The following AMPH variants were observed in gnomAD, a reference collection of about 807,000 sequenced individuals.
The protein encoded by AMPH is amphiphysin (Stiff-Mann syndrome with breast cancer 128kD autoantigen).
Under a neutral mutation model 99.1 loss-of-function variants are expected in AMPH, and 49 were observed. The observed-to-expected ratio is 0.49, with a 90% CI of 0.39 to 0.63. AMPH has a LOEUF of 0.63. AMPH is among the 20% of genes least tolerant of loss of function. The probability of loss-of-function intolerance (pLI) is 0.00; values close to 1 mark genes in which losing one functional copy is unlikely to be tolerated. For synonymous variants in AMPH, 314 were observed against 317.3 expected (o/e 0.99, Z 0.11); for missense variants, 759 against 863.4 (o/e 0.88, Z 1.52).
intron 1 of AMPH, among the ~76,000 whole-genome samples, chr7:38,566,758 C>A (rs1256063526): frequency 6.6e-6 from 1 of 152,156 alleles, no homozygotes; most frequent in Non-Finnish European, 1.5e-5. Context: ...CAAAAGAAGA[C>A]ATTTATGCAG....
At chr7:38,500,231 T>TAGCATATTA (rs1789086161) in intron 3 of AMPH, among the ~76,000 whole-genome samples, 1 of 152,244 alleles carries the variant, frequency 6.6e-6, no homozygotes. Context: ...GAGTTGACTT[T>TAGCATATTA]AGCATATTAA....
intron 1 of AMPH, among the ~76,000 whole-genome samples, chr7:38,615,039 T>G (rs1337964244): frequency 6.6e-6 from 1 of 152,128 alleles, no homozygotes; most frequent in Admixed American, 6.5e-5. Flanking sequence ...TCCCCTACAC[T>G]ACATGACACC....
chr7:38,566,179 C>T (rs1279982371), intron 1 of AMPH, among the ~76,000 whole-genome samples: 1 of 152,102 alleles, frequency 6.6e-6, no homozygotes. Context: ...ACTGCTATGA[C>T]CAAAAACAAT....
intron 5 of AMPH, among the ~76,000 whole-genome samples, chr7:38,488,618 AT>A (rs1162938613): frequency 6.6e-6 from 1 of 152,172 alleles, no homozygotes; most frequent in Non-Finnish European, 1.5e-5. Context: ...ACGTATACCT[AT>A]GTAACAAACC....
At chr7:38,534,224 G>C (rs760446737) in intron 2 of AMPH, among the ~76,000 whole-genome samples, 3 of 152,056 alleles carry the variant, frequency 2.0e-5, no homozygotes, top group Admixed American at 6.6e-5. Context: ...CCTTAGGGAA[G>C]ATATTAGTAT....
intron 1 of AMPH, among the ~76,000 whole-genome samples, chr7:38,584,998 A>G (rs1322341825): frequency 6.6e-6 from 1 of 152,236 alleles, no homozygotes; most frequent in African/African-American, 2.4e-5. Flanking sequence ...TGAATTCTCC[A>G]TGACAACCAA....
intron 6 of AMPH, 126 bp from the exon 7 acceptor site, chr7:38,475,542 G>T: frequency 3.2e-6 from 2 of 624,240 alleles, no homozygotes; most frequent in Non-Finnish European, 5.4e-6. Context: ...GAGAGTATTT[G>T]GTTAAAAGCA....
intron 1 of AMPH, among the ~76,000 whole-genome samples, chr7:38,571,386 A>C (rs1401030813): frequency 1.3e-5 from 1 of 76,840 alleles, no homozygotes; most frequent in Non-Finnish European, 2.3e-5. Context: ...TTATATATTT[A>C]TATATATTCT....
chr7:38,399,623 A>G (rs371128795), intron 17 of AMPH, among the ~76,000 whole-genome samples: 1 of 152,242 alleles, frequency 6.6e-6, no homozygotes, highest in Non-Finnish European at 1.5e-5. Flanking sequence ...AACATTTTCT[A>G]TGCTCTGCTT....
Position 38,422,425 on chromosome 7 carries a change from T to C in AMPH, c.1268A>G (p.Asn423Ser). The C allele has an allele frequency of 6.2e-7, 1 of 1,613,100 alleles. No individual in the cohort carries two copies. The highest frequency in any genetic ancestry group is 8.5e-7 in the Non-Finnish European group (1 of 1,179,402). The stretch of plus-strand genomic sequence containing the variant: ...CACAAACCCAAATCAACTTACCAAG[T>C]TGCAGATCATACTCTGGTCTGTCTG... Reference protein sequence around the residue: ...TMQTDQSMICNLAESEQAPPT... With the variant: ...TMQTDQSMICSLAESEQAPPT... The change falls in exon 16 of 21, where the codon AAC (asparagine) becomes AGC (serine). Residue 423 changes from asparagine (N) to serine (S), a missense_variant. Asn to Ser is a conservative substitution (Grantham distance 46). Around this residue, in one of 2 missense-constraint regions of AMPH, gnomAD observed 554 missense variants for 575.6 expected, o/e 0.96. Coordinates refer to ENST00000356264, the MANE Select transcript of AMPH (RefSeq NM_001635.4).
intron 5 of AMPH, among the ~76,000 whole-genome samples, chr7:38,479,284 C>T (rs964067530): frequency 6.6e-6 from 1 of 151,978 alleles, no homozygotes; most frequent in Non-Finnish European, 1.5e-5. Context: ...GATATATTTA[C>T]AGTACTGAAA....
At chr7:38,587,633 A>T (rs1792703191) in intron 1 of AMPH, among the ~76,000 whole-genome samples, 1 of 152,224 alleles carries the variant, frequency 6.6e-6, no homozygotes, top group Non-Finnish European at 1.5e-5. Flanking sequence ...AAAATATTTA[A>T]TTAGCAAATG....
intron 2 of AMPH, among the ~76,000 whole-genome samples, chr7:38,522,168 A>G (rs1290181963): frequency 2.6e-5 from 4 of 152,198 alleles, no homozygotes; most frequent in Non-Finnish European, 5.9e-5. Flanking sequence ...CAACCAAACC[A>G]TACATTTTAT....
intron 11 of AMPH, among the ~76,000 whole-genome samples, chr7:38,442,788 TA>T (rs140961528): frequency 0.22 from 32,686 of 146,192 alleles, 4,113 homozygotes; most frequent in Admixed American, 0.33. Flanking sequence ...ACCCTGAATA[TA>T]AAAAAAAAAC....
chr7:38,423,583 G>A (rs1785673046), intron 15 of AMPH, among the ~76,000 whole-genome samples: 1 of 151,676 alleles, frequency 6.6e-6, no homozygotes, highest in Non-Finnish European at 1.5e-5. Context: ...AAAAGAATGA[G>A]AAGAAAGATA....
rs530367889 is a variant in AMPH at position 38,565,211 on chromosome 7, T to A, written c.70-30200A>T. Among the ~76,000 whole-genome samples the A allele has an allele frequency of 2.6e-5, 4 of 152,268 alleles. No homozygotes were observed. The East Asian group carries it at 7.7e-4, about 29-fold the overall frequency. ...TTCCTTTAAATAATTTAATATGATT[T>A]ATTATAATTTTATTTAGAGTTTCAA... is the stretch of plus-strand genomic sequence containing the variant. On this transcript the variant is annotated intron_variant, in intron 1 of 20. Coordinates refer to ENST00000356264, the MANE Select transcript of AMPH (RefSeq NM_001635.4).
At chr7:38,562,227 A>G (rs776279850) in intron 1 of AMPH, among the ~76,000 whole-genome samples, 1 of 152,250 alleles carries the variant, frequency 6.6e-6, no homozygotes, top group Non-Finnish European at 1.5e-5. Context: ...AATCCTAAGC[A>G]AAACACATTG....
intron 1 of AMPH, among the ~76,000 whole-genome samples, chr7:38,535,658 G>C (rs1418025271): frequency 6.6e-6 from 1 of 152,084 alleles, no homozygotes; most frequent in African/African-American, 2.4e-5. Flanking sequence ...TTGTTTTCTT[G>C]CAACTAAATG....
intron 1 of AMPH, among the ~76,000 whole-genome samples, chr7:38,565,078 C>T (rs1254488041): frequency 3.4e-5 from 5 of 148,856 alleles, no homozygotes; most frequent in East Asian, 2.0e-4. Flanking sequence ...GAGCCGAGAT[C>T]GTGCCACTGC....
Sources: allele counts gnomAD v4.1 joint callset (sites outside exome capture counted in the v4.1 genomes callset), GRCh38; gene constraint gnomAD v4.1.1; regional missense constraint gnomAD v4.1.1; transcripts MANE v1.5; gene names NCBI Gene and HGNC (gene_info 2026-07-23, HGNC 2026-07-21).